Variants in SYNPR observed in about 807,000 individuals in gnomAD.
The protein encoded by SYNPR is synaptoporin.
Under a neutral mutation model 32.9 loss-of-function variants are expected in SYNPR, and 23 were observed. That is an observed-to-expected ratio of 0.70 (90% confidence interval 0.50 to 0.99). The LOEUF is 0.99. Ranked by LOEUF, SYNPR falls within the 50% of genes least tolerant of loss-of-function variation. SYNPR has a pLI of 0.00. For synonymous variants in SYNPR, 146 were observed against 135.9 expected (o/e 1.07, Z -0.52); for missense variants, 318 against 349.3 (o/e 0.91, Z 0.71).
chr3:63,256,912 C>A (rs186011725), intron 2 of SYNPR, among the ~76,000 whole-genome samples: 1 of 152,118 alleles, frequency 6.6e-6, no homozygotes, highest in Admixed American at 6.5e-5. Context: ...ACGAGAACTA[C>A]GTGACGAATG....
intron 3 of SYNPR, among the ~76,000 whole-genome samples, chr3:63,551,967 G>T (rs896133435): frequency 6.6e-6 from 1 of 151,776 alleles, no homozygotes; most frequent in African/African-American, 2.4e-5. Context: ...GCCTGGTTTT[G>T]GCTCGCTGCA....
intron 3 of SYNPR, among the ~76,000 whole-genome samples, chr3:63,501,698 C>T (rs1422939655): frequency 6.6e-6 from 1 of 151,988 alleles, no homozygotes; most frequent in African/African-American, 2.4e-5. Context: ...GATATGATGA[C>T]TTTAAGAATT....
rs4688407 is a variant in SYNPR, at chr3:63,495,774, G to C, written c.209+14818G>C. On this transcript the variant is annotated intron_variant, in intron 3 of 5. Transcript: ENST00000478300. ...TGGAGACAGTAAAAAGATCAGTGGT[G>C]GCCAAAGGTTGAGGGAGATGTGGGG... Among the ~76,000 whole-genome samples, 601 of 152,062 alleles carry C rather than the reference G, an allele frequency of 4.0e-3. 7 individuals carry two copies. Among genetic ancestry groups the C allele is most frequent in the Middle Eastern group, 0.01 (3 of 292 alleles).
intron 2 of SYNPR, among the ~76,000 whole-genome samples, chr3:63,407,062 C>CAAATTA (rs2088370248): frequency 6.6e-6 from 1 of 152,170 alleles, no homozygotes; most frequent in Non-Finnish European, 1.5e-5. Flanking sequence ...AAATATCTAA[C>CAAATTA]AGGTAACAAA....
intron 4 of SYNPR, among the ~76,000 whole-genome samples, chr3:63,583,179 C>T (rs1285235459): frequency 6.6e-6 from 1 of 151,956 alleles, no homozygotes; most frequent in Non-Finnish European, 1.5e-5. Context: ...GTCAGTTGAT[C>T]AGTTGGGGCA....
intron 2 of SYNPR, among the ~76,000 whole-genome samples, chr3:63,280,544 C>T (rs2086619120): frequency 6.6e-6 from 1 of 151,734 alleles, no homozygotes; most frequent in African/African-American, 2.4e-5. Context: ...TGTTTTTTAC[C>T]TCAACTAAAT....
intron 3 of SYNPR, among the ~76,000 whole-genome samples, chr3:63,527,902 T>C (rs576626369): frequency 1.7e-4 from 26 of 152,284 alleles, no homozygotes; most frequent in Non-Finnish European, 2.8e-4. Context: ...ACATTCTACT[T>C]AATTTTGTCA....
At chr3:63,445,485 G>T (rs1448758930) in intron 2 of SYNPR, 1 of 681,206 alleles carries the variant, frequency 1.5e-6, no homozygotes, top group Non-Finnish European at 2.7e-6. Context: ...TTTGTCATTT[G>T]GGGGAAAACA....
chr3:63,461,806 C>T lies in SYNPR; in HGVS notation c.85-19026C>T, dbSNP rs76352949. Reference sequence around the variant, plus strand: ...TGCTATGAACCTCAGTTTCCCCAGCCGTAGAACAGAGATAATACCCATCTT... The same window carrying T: ...TGCTATGAACCTCAGTTTCCCCAGCTGTAGAACAGAGATAATACCCATCTT... On this transcript the variant is annotated intron_variant, in intron 2 of 5. Coordinates refer to ENST00000478300, the MANE Select transcript of SYNPR (RefSeq NM_001130003.2). 8.7e-3 allele frequency among the ~76,000 whole-genome samples: 1,320 copies of T among 151,854 alleles called. 57 individuals carry two copies. In the East Asian group the frequency reaches 0.13, roughly 15 times the overall value.
At chr3:63,401,409 T>C (rs2088288526) in intron 2 of SYNPR, among the ~76,000 whole-genome samples, 3 of 152,202 alleles carry the variant, frequency 2.0e-5, no homozygotes. Context: ...ATTATGTCTA[T>C]TGCCAAATAG....
intron 2 of SYNPR, among the ~76,000 whole-genome samples, chr3:63,384,296 C>G (rs1251462207): frequency 6.6e-6 from 1 of 152,186 alleles, no homozygotes; most frequent in Non-Finnish European, 1.5e-5. Context: ...GGAATGAGTG[C>G]TCAATAAACA....
intron 2 of SYNPR, among the ~76,000 whole-genome samples, chr3:63,363,537 C>G (rs2087689948): frequency 1.3e-5 from 2 of 152,174 alleles, no homozygotes; most frequent in African/African-American, 4.8e-5. Flanking sequence ...GATCTGGCAG[C>G]TGAAACACGT....
At chr3:63,455,304 G>GT (rs1700460374) in intron 2 of SYNPR, among the ~76,000 whole-genome samples, 2 of 152,118 alleles carry the variant, frequency 1.3e-5, no homozygotes, top group African/African-American at 4.8e-5. Context: ...GGCTTCAAGA[G>GT]AGCAGTGTCC....
rs199999186 is a variant in SYNPR, at chr3:63,480,819, T to A, written c.85-13T>A. The A allele has an allele frequency of 5.0e-4, 811 of 1,612,210 alleles. 2 individuals are homozygous for A. Among genetic ancestry groups the A allele is most frequent in the Non-Finnish European group, 4.3e-4 (506 of 1,178,718 alleles). On this transcript the variant is annotated splice_polypyrimidine_tract_variant and intron_variant, in intron 2 of 5. Coordinates refer to ENST00000478300, the MANE Select transcript of SYNPR (RefSeq NM_001130003.2). ...TAATAACTGCCTTCTATTTGTTTAA[T>A]TGTTCTCCACAGCTTTTTGCAATCT...
intron 3 of SYNPR, among the ~76,000 whole-genome samples, chr3:63,520,397 G>A (rs537907696): frequency 7.2e-5 from 11 of 152,232 alleles, no homozygotes; most frequent in Admixed American, 2.6e-4. Flanking sequence ...GTAATCGGCC[G>A]GGTGCGGTGG....
intron 2 of SYNPR, among the ~76,000 whole-genome samples, chr3:63,401,551 A>T (rs1222223251): frequency 2.6e-5 from 4 of 152,176 alleles, no homozygotes; most frequent in Non-Finnish European, 5.9e-5. Context: ...AAGCTTCGTT[A>T]TCTGCACACT....
chr3:63,420,418 A>T (rs976661110), intron 2 of SYNPR, among the ~76,000 whole-genome samples: 1 of 152,216 alleles, frequency 6.6e-6, no homozygotes, highest in Non-Finnish European at 1.5e-5. Flanking sequence ...ATAAATGCAT[A>T]TATGGAAATT....
chr3:63,218,205 G>A, the SYNPR span, among the ~76,000 whole-genome samples: 1 of 152,262 alleles, frequency 6.6e-6, no homozygotes, highest in East Asian at 1.9e-4. Flanking sequence ...ACAGGAGGGT[G>A]GAGCAAATAC....
chr3:63,403,245 C>A (rs2088315614), intron 2 of SYNPR, among the ~76,000 whole-genome samples: 1 of 152,008 alleles, frequency 6.6e-6, no homozygotes, highest in South Asian at 2.1e-4. Context: ...CTAGTCTGGA[C>A]TATGAGTTTG....
Sources: allele counts gnomAD v4.1 joint callset (sites outside exome capture counted in the v4.1 genomes callset), GRCh38; gene constraint gnomAD v4.1.1; transcripts MANE v1.5; gene names NCBI Gene and HGNC (gene_info 2026-07-23, HGNC 2026-07-21).